GMDS: variants seen among roughly 807,000 people sequenced by gnomAD.
GMDS encodes the protein GDP-mannose 4,6-dehydratase, also known as GDP-mannose 4,6 dehydratase.
GMDS carries 20 observed loss-of-function variants against 49.9 expected under a neutral mutation model. The observed-to-expected ratio is 0.40, with a 90% CI of 0.28 to 0.58. GMDS has a LOEUF of 0.58. GMDS is among the 20% of genes least tolerant of loss of function. The pLI, the probability that GMDS is intolerant of heterozygous loss-of-function variation, is 0.42. For missense variants in GMDS, 362 were observed against 481.4 expected (o/e 0.75, Z 2.32); for synonymous variants, 177 against 178.6 (o/e 0.99, Z 0.07).
chr6:1,799,282 A>G (rs1769855833), intron 7 of GMDS, among the ~76,000 whole-genome samples: 1 of 152,146 alleles, frequency 6.6e-6, no homozygotes, highest in Non-Finnish European at 1.5e-5. Context: ...AGATAATAAA[A>G]AACAGTCTCT....
At chr6:1,644,775 C>T (rs1180090771) in intron 9 of GMDS, among the ~76,000 whole-genome samples, 2 of 152,242 alleles carry the variant, frequency 1.3e-5, no homozygotes, top group Middle Eastern at 3.4e-3. Flanking sequence ...GTACTGTGAG[C>T]CTTGCACCCA....
In GMDS at chr6:2,154,512, G is replaced by C. The variant is rs1033100940; in HGVS notation, c.103-29781C>G. Among the ~76,000 whole-genome samples, 5 of 151,892 alleles carry C rather than the reference G, an allele frequency of 3.3e-5. No individual in the cohort carries two copies. In the East Asian group the frequency reaches 9.6e-4, roughly 29 times the overall value. On this transcript the variant is annotated intron_variant, in intron 1 of 10. Transcript: ENST00000380815. ...GTTAAAATCTGTAATTTGGATTTTG[G>C]CATATAAAATAGGAAAGAAAGGCAG...
At chr6:1,974,440 A>G (rs1332361957) in intron 4 of GMDS, among the ~76,000 whole-genome samples, 1 of 152,182 alleles carries the variant, frequency 6.6e-6, no homozygotes, top group East Asian at 1.9e-4. Flanking sequence ...CCAGATACAG[A>G]GAGAAGGCTG....
rs542920258 is a variant in GMDS, at chr6:2,028,517, C to T, written c.346-67551G>A. On this transcript the variant is annotated intron_variant, in intron 4 of 10. Transcript: ENST00000380815. ...CTGAGTGGACTAAACAATACATCTT[C>T]GTCGCTCAGGACAAAAGGTCATTTG... Among the ~76,000 whole-genome samples, 11 of 152,304 alleles carry T rather than the reference C, an allele frequency of 7.2e-5. No individual in the cohort carries two copies. In the South Asian group the frequency reaches 1.7e-3, roughly 23 times the overall value.
chr6:1,642,327 C>T (rs931322108), intron 9 of GMDS, among the ~76,000 whole-genome samples: 3 of 152,016 alleles, frequency 2.0e-5, no homozygotes, highest in Non-Finnish European at 4.4e-5. Context: ...CCACCACGCC[C>T]GGCTAATATT....
At chr6:1,754,946 A>C (rs1050380252) in intron 7 of GMDS, among the ~76,000 whole-genome samples, 1 of 152,218 alleles carries the variant, frequency 6.6e-6, no homozygotes, top group Non-Finnish European at 1.5e-5. Context: ...CTGAATGGGC[A>C]AAAGCATTCC....
chr6:2,187,485 T>C (rs1778828097), intron 1 of GMDS, among the ~76,000 whole-genome samples: 2 of 152,184 alleles, frequency 1.3e-5, no homozygotes, highest in South Asian at 4.1e-4. Flanking sequence ...AACACAAAAA[T>C]GCCTCCTCAC....
At chr6:1,655,768 G>A (rs1176346359) in intron 9 of GMDS, among the ~76,000 whole-genome samples, 1 of 152,180 alleles carries the variant, frequency 6.6e-6, no homozygotes, top group Non-Finnish European at 1.5e-5. Flanking sequence ...GCCTCCCAAA[G>A]TGCTGGGATT....
chr6:2,058,739 C>T (rs955105358), intron 4 of GMDS, among the ~76,000 whole-genome samples: 1 of 152,156 alleles, frequency 6.6e-6, no homozygotes, highest in Admixed American at 6.5e-5. Flanking sequence ...TAAATATTGT[C>T]ATGTGAGTCA....
chr6:1,737,884 C>G (rs546141520), intron 8 of GMDS, among the ~76,000 whole-genome samples: 8 of 147,116 alleles, frequency 5.4e-5, no homozygotes, highest in African/African-American at 1.5e-4. Flanking sequence ...TACATACACA[C>G]GCAACCCCAC....
intron 7 of GMDS, among the ~76,000 whole-genome samples, chr6:1,882,536 A>G (rs1483502905): frequency 6.6e-6 from 1 of 152,234 alleles, no homozygotes; most frequent in African/African-American, 2.4e-5. Context: ...ATCATGACAC[A>G]GAATCAATTA....
chr6:1,795,866 T>A (rs570319726), intron 7 of GMDS, among the ~76,000 whole-genome samples: 1 of 152,184 alleles, frequency 6.6e-6, no homozygotes, highest in Admixed American at 6.5e-5. Context: ...AGCACTCAGA[T>A]GAATGCTAAT....
chr6:1,682,957 T>A (rs1042126607), intron 9 of GMDS, among the ~76,000 whole-genome samples: 1 of 152,232 alleles, frequency 6.6e-6, no homozygotes, highest in Non-Finnish European at 1.5e-5. Flanking sequence ...ATTGGCCTAG[T>A]TGGTCCTAGA....
chr6:1,814,758 A>G (rs1770587198), intron 7 of GMDS, among the ~76,000 whole-genome samples: 1 of 152,202 alleles, frequency 6.6e-6, no homozygotes, highest in African/African-American at 2.4e-5. Context: ...TATATTCAAA[A>G]TTCATTTATA....
chr6:1,736,076 C>T (rs78298205), intron 8 of GMDS, among the ~76,000 whole-genome samples: 1,566 of 152,204 alleles, frequency 0.01, 24 homozygotes, highest in African/African-American at 0.036. Flanking sequence ...AATGGGCCCG[C>T]GACCTGGTGA....
intron 1 of GMDS, among the ~76,000 whole-genome samples, chr6:2,181,718 A>T (rs1272528121): frequency 6.6e-6 from 1 of 152,182 alleles, no homozygotes; most frequent in Non-Finnish European, 1.5e-5. Context: ...CAAAATGGTA[A>T]ATGTAATCGG....
At chr6:1,872,761 A>T (rs977167391) in intron 7 of GMDS, among the ~76,000 whole-genome samples, 2 of 152,268 alleles carry the variant, frequency 1.3e-5, no homozygotes, top group Non-Finnish European at 2.9e-5. Flanking sequence ...AGCCCCATTA[A>T]GGGGAAACCT....
intron 7 of GMDS, among the ~76,000 whole-genome samples, chr6:1,914,273 G>T (rs766637327): frequency 6.6e-6 from 1 of 150,786 alleles, no homozygotes; most frequent in Non-Finnish European, 1.5e-5. Flanking sequence ...TGGCTAACAC[G>T]GTGAAACCCC....
At chr6:1,808,482 G>A (rs372268992) in intron 7 of GMDS, among the ~76,000 whole-genome samples, 1 of 152,296 alleles carries the variant, frequency 6.6e-6, no homozygotes. Context: ...CAGAGAGCTA[G>A]CTGAACATCT....
Sources: allele counts gnomAD v4.1 joint callset (sites outside exome capture counted in the v4.1 genomes callset), GRCh38; gene constraint gnomAD v4.1.1; transcripts MANE v1.5; gene names NCBI Gene and HGNC (gene_info 2026-07-23, HGNC 2026-07-21).